The following RAPGEFL1 variants were observed in gnomAD, a reference collection of about 807,000 sequenced individuals.
RAPGEFL1 encodes the protein rap guanine nucleotide exchange factor-like 1.
In RAPGEFL1, 31 loss-of-function variants were observed where a neutral mutation model predicts 64.4. That is an observed-to-expected ratio of 0.48 (90% CI 0.36 to 0.65). RAPGEFL1 has a LOEUF of 0.65. Among genes scored for constraint, RAPGEFL1 ranks in the 30% least tolerant of loss-of-function variants. RAPGEFL1 has a pLI of 0.00. For missense variants in RAPGEFL1, 682 were observed against 677.4 expected, an observed-to-expected ratio of 1.01 and a Z score of -0.08; for synonymous variants, 331 against 274.1, an observed-to-expected ratio of 1.21 and a Z score of -2.05.
chr17:40,185,725 A>C (rs1357300786), intron 4 of RAPGEFL1, among the ~76,000 whole-genome samples: 3 of 147,524 alleles, frequency 2.0e-5, no homozygotes, highest in Non-Finnish European at 4.5e-5. Flanking sequence ...TGGAGGTTGC[A>C]GTGAGCTGAG....
At chr17:40,177,085 C>A, upstream of RAPGEFL1, 1 of 702,510 alleles carries the variant, frequency 1.4e-6, no homozygotes, top group Non-Finnish European at 2.6e-6. Context: ...GCCTTCCCAG[C>A]TCTTCTCACA....
rs746500426 is a variant in RAPGEFL1, at chr17:40,184,357, T to G, written c.735+8T>G. The G allele has an allele frequency of 3.1e-6, 5 of 1,602,494 alleles. No homozygotes were observed. In the South Asian group the frequency reaches 5.5e-5, roughly 18 times the overall value. On this transcript the variant is annotated splice_region_variant and intron_variant, in intron 3 of 14. Coordinates refer to ENST00000620260, the MANE Select transcript of RAPGEFL1 (RefSeq NM_016339.6). ...GCCGGCCACATCATCAAGGTGGGCC[T>G]GGGGGAAGAGAAGGTGGGTAAACAG...
In RAPGEFL1 at chr17:40,189,270, T is replaced by A. The variant is rs777261206; in HGVS notation, c.1009T>A (p.Ser337Thr). 1.1e-5 allele frequency: 17 copies of A among 1,614,190 alleles called. No homozygotes were observed. The South Asian group carries it at 1.5e-4, about 15-fold the overall frequency. ...GACCATACGCAGCCGCCTTTCAGCA[T>A]CTGTGCAGGACATTCTGGGCTCTGT... ...YVTIRSRLSA[S>T]VQDILGSVTE... Residue 337 changes from serine to threonine, a missense_variant, in exon 6 of 15, where the codon TCT becomes ACT. Around this residue, in one of 2 missense-constraint regions of RAPGEFL1, gnomAD observed 411 missense variants for 519.4 expected, o/e 0.79. Transcript: ENST00000620260.
intron 4 of RAPGEFL1, among the ~76,000 whole-genome samples, chr17:40,187,912 CTTTTT>C (rs1004508368): frequency 1.6e-5 from 2 of 125,168 alleles, no homozygotes; most frequent in Non-Finnish European, 3.3e-5. Flanking sequence ...CGCGCCTGGC[CTTTTT>C]TTTTTTTTTT....
At chr17:40,177,280 C>G (rs1468887295), upstream of RAPGEFL1, 1 of 702,590 alleles carries the variant, frequency 1.4e-6, no homozygotes, top group Admixed American at 2.0e-5. Flanking sequence ...AATCCTTCCC[C>G]ATTGGTAAAT....
chr17:40,179,747 T>C (rs1431908779), intron 1 of RAPGEFL1, among the ~76,000 whole-genome samples: 1 of 152,096 alleles, frequency 6.6e-6, no homozygotes, highest in Non-Finnish European at 1.5e-5. Context: ...GCTGAGGCCC[T>C]AATGGTGAGG....
rs371626913 is a variant in RAPGEFL1 at position 40,192,280 on chromosome 17, C to G, written c.1656+17C>G. 11 of 1,612,138 alleles carry G rather than the reference C, an allele frequency of 6.8e-6. No homozygotes were observed. Among genetic ancestry groups the G allele is most frequent in the Non-Finnish European group, 9.3e-6 (11 of 1,178,314 alleles). ...AACCTGACGGTGAGTGGGTTTGGCT[C>G]TTTCTTCTGCTCTTGGACTGAGAGC... On this transcript the variant is annotated intron_variant, in intron 11 of 14. Coordinates refer to ENST00000620260, the MANE Select transcript of RAPGEFL1 (RefSeq NM_016339.6).
At chr17:40,189,888 G>A (rs1264869629) in intron 6 of RAPGEFL1, among the ~76,000 whole-genome samples, 1 of 152,018 alleles carries the variant, frequency 6.6e-6, no homozygotes, top group African/African-American at 2.4e-5. Flanking sequence ...CCGCGGAGGC[G>A]GAGGTTGCAG....
intron 4 of RAPGEFL1, 81 bp from the exon 5 acceptor site, chr17:40,188,785 T>C: frequency 9.0e-7 from 1 of 1,114,836 alleles, no homozygotes; most frequent in South Asian, 1.2e-5. Flanking sequence ...ATTCTGATAT[T>C]CTTGCTTGAT....
chr17:40,185,783 CAAAAAAAAA>C (rs750937174), intron 4 of RAPGEFL1, among the ~76,000 whole-genome samples: 1 of 48,932 alleles, frequency 2.0e-5, no homozygotes, highest in African/African-American at 7.4e-5. Flanking sequence ...GATTCTGTCT[CAAAAAAAAA>C]AAAAAAAAAA....
rs955213233 is a variant in RAPGEFL1, at chr17:40,177,615, G to T, written c.-247G>T. Reference sequence around the variant, plus strand: ...GCAGCCTGCCCACTCTTCGGGCCGCGTGCCGGCTGCAGCCGGCATGGGGGG... The same window carrying T: ...GCAGCCTGCCCACTCTTCGGGCCGCTTGCCGGCTGCAGCCGGCATGGGGGG... On this transcript the variant is annotated 5_prime_UTR_variant, in exon 1 of 15. Coordinates refer to ENST00000620260, the MANE Select transcript of RAPGEFL1 (RefSeq NM_016339.6). 12 of 392,232 alleles carry T rather than the reference G, an allele frequency of 3.1e-5. No homozygotes were observed. The highest frequency in any genetic ancestry group is 4.9e-5 in the Non-Finnish European group (11 of 225,328). The allele number at this position is 392,232 out of a possible 1,614,324, so 24.3% of individuals were successfully genotyped here.
chr17:40,187,598 C>T (rs532042791), intron 4 of RAPGEFL1, among the ~76,000 whole-genome samples: 2 of 152,018 alleles, frequency 1.3e-5, no homozygotes, highest in South Asian at 4.2e-4. Flanking sequence ...CCCCAGAATG[C>T]CCTCCTCCCA....
intron 5 of RAPGEFL1, 73 bp downstream of exon 5, chr17:40,189,051 C>G: frequency 1.3e-6 from 2 of 1,490,672 alleles, no homozygotes; most frequent in Non-Finnish European, 1.9e-6. Context: ...TCTTGAGCAC[C>G]CTCAGTGGCA....
intron 1 of RAPGEFL1, among the ~76,000 whole-genome samples, chr17:40,180,975 C>T (rs1341981319): frequency 1.3e-5 from 2 of 152,190 alleles, no homozygotes; most frequent in Admixed American, 6.5e-5. Flanking sequence ...CAGGCCCAGA[C>T]GGGGGTGTGG....
At chr17:40,189,152 T>C in intron 5 of RAPGEFL1, 56 bp from the exon 6 acceptor site, 1 of 1,574,200 alleles carries the variant, frequency 6.4e-7, no homozygotes, top group Middle Eastern at 1.7e-4. Flanking sequence ...GAGGAGACTG[T>C]GCCAGCTGCT....
In RAPGEFL1 at chr17:40,193,345, T is replaced by C; in HGVS notation, c.1810-18T>C. 1 of 1,614,070 alleles carries C rather than the reference T, an allele frequency of 6.2e-7. No individual in the cohort carries two copies. Among genetic ancestry groups the C allele is most frequent in the Non-Finnish European group, 8.5e-7 (1 of 1,179,944 alleles). On this transcript the variant is annotated intron_variant, in intron 13 of 14. Transcript: ENST00000620260. ...CTTTCTGTGCCCCTTTCAAGGCTCA[T>C]TCCTTGTCATCTCCCAGCATTCAGT...
intron 1 of RAPGEFL1, among the ~76,000 whole-genome samples, chr17:40,179,928 A>G (rs1207926950): frequency 6.6e-6 from 1 of 152,116 alleles, no homozygotes; most frequent in African/African-American, 2.4e-5. Flanking sequence ...TATCAGACAC[A>G]CACAGCTCTC....
intron 13 of RAPGEFL1, 68 bp downstream of exon 13, chr17:40,193,058 C>A: frequency 7.1e-7 from 1 of 1,405,990 alleles, no homozygotes. Context: ...CCTCTCTCAT[C>A]ACCTCCCAAA....
At chr17:40,192,861 C>T (rs989021277) in intron 12 of RAPGEFL1, 65 bp from the exon 13 acceptor site, 21 of 1,433,302 alleles carry the variant, frequency 1.5e-5, no homozygotes, top group Non-Finnish European at 2.0e-5. Context: ...TCCTCGGGTG[C>T]AGTGGCCCCT....
Sources: allele counts gnomAD v4.1 joint callset (sites outside exome capture counted in the v4.1 genomes callset), GRCh38; gene constraint gnomAD v4.1.1; regional missense constraint gnomAD v4.1.1; transcripts MANE v1.5; gene names NCBI Gene and HGNC (gene_info 2026-07-23, HGNC 2026-07-21).